The following TFPI variants were observed in gnomAD, a reference collection of about 807,000 sequenced individuals.
TFPI encodes anti-convertin.
A neutral mutation model predicts 34.6 loss-of-function variants in TFPI; 15 were observed. The ratio of observed to expected loss-of-function variants is 0.43; its 90% confidence interval spans 0.29 to 0.67. The LOEUF is 0.67. TFPI is among the 30% of genes least tolerant of loss of function. The pLI is 0.15. For synonymous variants in TFPI, 105 were observed against 120.1 expected, an observed-to-expected ratio of 0.87 and a Z score of 0.82; for missense variants, 301 against 364.0, an observed-to-expected ratio of 0.83 and a Z score of 1.41.
At chr2:187,468,415 C>G (rs1414398585) in intron 6 of TFPI, among the ~76,000 whole-genome samples, 1 of 152,070 alleles carries the variant, frequency 6.6e-6, no homozygotes, top group African/African-American at 2.4e-5. Context: ...AGTTACTTCT[C>G]TTGACTAAGC....
At chr2:187,474,584 T>A (rs1489138399) in intron 6 of TFPI, among the ~76,000 whole-genome samples, 1 of 152,148 alleles carries the variant, frequency 6.6e-6, no homozygotes, top group East Asian at 1.9e-4. Flanking sequence ...ATGCTTAGGT[T>A]GAATCCAGTA....
chr2:187,484,085 A>C (rs1437156699), intron 6 of TFPI, 39 bp downstream of exon 6: 1 of 1,531,282 alleles, frequency 6.5e-7, no homozygotes, highest in South Asian at 1.1e-5. Context: ...TAGCATGATA[A>C]TAGTTTCCTG....
intron 1 of TFPI, among the ~76,000 whole-genome samples, chr2:187,508,678 A>G (rs1686401311): frequency 6.6e-6 from 1 of 152,234 alleles, no homozygotes. Flanking sequence ...GTTGCTTATC[A>G]GCTTAAGGAG....
chr2:187,484,078 CATG>C (rs1385471629), intron 6 of TFPI, 43 bp downstream of exon 6: 3 of 1,486,378 alleles, frequency 2.0e-6, no homozygotes, highest in Admixed American at 1.7e-5. Context: ...TCATTGTTAG[CATG>C]ATAATAGTTT....
intron 6 of TFPI, among the ~76,000 whole-genome samples, chr2:187,472,159 A>T (rs1036734031): frequency 3.3e-5 from 5 of 152,254 alleles, no homozygotes; most frequent in Admixed American, 6.5e-5. Context: ...ATTCAAATGT[A>T]TTAATATAAT....
chr2:187,523,893 T>G (rs1687546756), intron 1 of TFPI, among the ~76,000 whole-genome samples: 1 of 152,100 alleles, frequency 6.6e-6, no homozygotes, highest in Non-Finnish European at 1.5e-5. Context: ...CCCTTTAGGC[T>G]TCACCCTCTT....
intron 1 of TFPI, among the ~76,000 whole-genome samples, chr2:187,549,416 G>A (rs541151688): frequency 2.0e-5 from 3 of 152,172 alleles, no homozygotes; most frequent in African/African-American, 7.2e-5. Flanking sequence ...TAAAACTCTA[G>A]GTAAATAACC....
chr2:187,510,795 C>G (rs1293891690), intron 1 of TFPI, among the ~76,000 whole-genome samples: 1 of 152,146 alleles, frequency 6.6e-6, no homozygotes, highest in East Asian at 1.9e-4. Context: ...TCACACAGAC[C>G]TCCTTAGAGT....
At chr2:187,541,339 AAG>A (rs1688572394) in intron 1 of TFPI, among the ~76,000 whole-genome samples, 1 of 152,192 alleles carries the variant, frequency 6.6e-6, no homozygotes, top group African/African-American at 2.4e-5. Flanking sequence ...GCAAGTGAGG[AAG>A]AGAGAGGAAT....
chr2:187,548,861 C>G (rs1300579399), intron 1 of TFPI, among the ~76,000 whole-genome samples: 1 of 152,034 alleles, frequency 6.6e-6, no homozygotes, highest in Admixed American at 6.6e-5. Flanking sequence ...GATTAAACAT[C>G]TTTCCTCATT....
Position 187,513,266 on chromosome 2 carries a change from C to A in TFPI, c.-2-9496G>T, listed in dbSNP as rs923273289. 7.2e-4 allele frequency among the ~76,000 whole-genome samples: 109 copies of A among 152,130 alleles called. 3 individuals carry two copies. Among genetic ancestry groups the A allele is most frequent in the South Asian group, 2.3e-3 (11 of 4,818 alleles). ...AAAATAAAAACACAACGGGTTTTTT[C>A]TTAAATCACTAACCTGCTCTTTAAC... On this transcript the variant is annotated intron_variant, in intron 1 of 7. Transcript: ENST00000233156.
intron 1 of TFPI, among the ~76,000 whole-genome samples, chr2:187,505,997 T>TAAAA (rs201544212): frequency 6.6e-6 from 1 of 151,684 alleles, no homozygotes; most frequent in Non-Finnish European, 1.5e-5. Flanking sequence ...ATTTTTTTTT[T>TAAAA]AAAAAAAAGA....
chr2:187,543,062 GA>G lies in TFPI; in HGVS notation c.-3+11137del, dbSNP rs371123792. Among the ~76,000 whole-genome samples, 410 of 152,198 alleles carry G rather than the reference GA, an allele frequency of 2.7e-3. 5 individuals are homozygous for G. The highest frequency in any genetic ancestry group is 9.6e-3 in the African/African-American group (397 of 41,526). On this transcript the variant is annotated intron_variant, in intron 1 of 7. Transcript: ENST00000233156. ...AGACTTTGACAGGTGCTGGTAAGAG[GA>G]AATATATAAATGGTTTAAATGGTTT...
chr2:187,537,680 G>T (rs531373456), intron 1 of TFPI, among the ~76,000 whole-genome samples: 4 of 152,068 alleles, frequency 2.6e-5, no homozygotes, highest in Non-Finnish European at 5.9e-5. Context: ...AGGCATGGCC[G>T]AAGACTTCAT....
rs1252498963 is a variant in TFPI at position 187,554,335 on chromosome 2, GC to G, written c.-139del. 1 of 152,114 alleles carries G rather than the reference GC, an allele frequency of 6.6e-6. No individual in the cohort carries two copies. The highest frequency in any genetic ancestry group is 1.5e-5 in the Non-Finnish European group (1 of 68,028). The allele number at this position is 152,114 out of a possible 1,614,324, so 9.4% of individuals were successfully genotyped here. ...CTTTTAGAAGCAGATCAAGAAACTGGCGATTGAAGAGTAACTGAAAGAAACG... is the reference window on the plus strand; with the variant it reads ...CTTTTAGAAGCAGATCAAGAAACTGGGATTGAAGAGTAACTGAAAGAAACG... On this transcript the variant is annotated 5_prime_UTR_variant, in exon 1 of 8. Coordinates refer to ENST00000233156, the MANE Select transcript of TFPI (RefSeq NM_006287.6).
chr2:187,476,414 A>G (rs1325820603), intron 6 of TFPI, among the ~76,000 whole-genome samples: 3 of 152,106 alleles, frequency 2.0e-5, no homozygotes. Context: ...ATTACAGCTC[A>G]CTGCAGCCTC....
intron 2 of TFPI, among the ~76,000 whole-genome samples, chr2:187,498,414 T>C (rs908391672): frequency 6.6e-6 from 1 of 151,812 alleles, no homozygotes; most frequent in African/African-American, 2.4e-5. Context: ...GTATTAGTCT[T>C]ATTTTAGTAA....
At chr2:187,550,619 A>G (rs1334177264) in intron 1 of TFPI, among the ~76,000 whole-genome samples, 2 of 152,188 alleles carry the variant, frequency 1.3e-5, no homozygotes. Context: ...AAAAGTCTAA[A>G]TGACAGAAAT....
intron 3 of TFPI, among the ~76,000 whole-genome samples, chr2:187,491,515 G>T (rs1685122056): frequency 6.6e-6 from 1 of 152,028 alleles, no homozygotes; most frequent in South Asian, 2.1e-4. Context: ...TGCTATAAAA[G>T]ACATGATTTT....
Sources: allele counts gnomAD v4.1 joint callset (sites outside exome capture counted in the v4.1 genomes callset), GRCh38; gene constraint gnomAD v4.1.1; transcripts MANE v1.5; gene names NCBI Gene and HGNC (gene_info 2026-07-23, HGNC 2026-07-21).